Variants in WDR72 observed in about 807,000 individuals in gnomAD.
WDR72 encodes the protein WD repeat domain 72.
WDR72 carries 120 observed loss-of-function variants against 124.2 expected under a neutral mutation model. That is an observed-to-expected ratio of 0.97 (90% CI 0.83 to 1.12). WDR72 has a LOEUF of 1.12. WDR72 is among the 50% of genes most tolerant of loss of function. The pLI, the probability that WDR72 is intolerant of heterozygous loss-of-function variation, is 0.00. For missense variants in WDR72, 1,387 were observed against 1,278.8 expected (o/e 1.08, Z -1.29); for synonymous variants, 452 against 441.7 (o/e 1.02, Z -0.29).
At chr15:53,693,114 A>G (rs1473748421) in intron 13 of WDR72, among the ~76,000 whole-genome samples, 1 of 152,190 alleles carries the variant, frequency 6.6e-6, no homozygotes, top group East Asian at 1.9e-4. Flanking sequence ...CATAACTTTG[A>G]CCTGATATCT....
chr15:53,612,537 C>T (rs2013585927), intron 16 of WDR72, among the ~76,000 whole-genome samples: 2 of 151,854 alleles, frequency 1.3e-5, no homozygotes, highest in African/African-American at 4.8e-5. Context: ...ATGCAAAGGT[C>T]CTCAGACCTG....
chr15:53,596,766 C>T (rs2012794149), intron 18 of WDR72, among the ~76,000 whole-genome samples: 1 of 152,084 alleles, frequency 6.6e-6, no homozygotes, highest in Non-Finnish European at 1.5e-5. Context: ...CAGAATAGGT[C>T]AGAAACAGGG....
intron 13 of WDR72, among the ~76,000 whole-genome samples, chr15:53,687,411 C>T (rs1212955804): frequency 6.6e-6 from 1 of 150,524 alleles, no homozygotes; most frequent in African/African-American, 2.5e-5. Flanking sequence ...ATACAAACTA[C>T]CATCAGAGAA....
At chr15:53,758,940 C>T (rs2018991032) in intron 1 of WDR72, among the ~76,000 whole-genome samples, 1 of 152,138 alleles carries the variant, frequency 6.6e-6, no homozygotes, top group Non-Finnish European at 1.5e-5. Context: ...CAGTGCATCA[C>T]CTTTTCCAGA....
chr15:53,535,728 C>T (rs1892727733), intron 18 of WDR72, among the ~76,000 whole-genome samples: 1 of 152,096 alleles, frequency 6.6e-6, no homozygotes, highest in Non-Finnish European at 1.5e-5. Context: ...AAATCTGAAA[C>T]ACAGATCAAA....
chr15:53,736,845 C>T (rs1391393335), intron 1 of WDR72, among the ~76,000 whole-genome samples: 3 of 151,814 alleles, frequency 2.0e-5, no homozygotes, highest in Non-Finnish European at 1.5e-5. Context: ...AGACTGATGG[C>T]AAATAATTAG....
rs752692961 is a variant in WDR72, at chr15:53,516,674, G to A, written c.*1025C>T. ...TCCCTATTAGATACATAGATAGATA[G>A]ATATAGCTATATATCACATATTTAA... On this transcript the variant is annotated 3_prime_UTR_variant, in exon 20 of 20. Transcript: ENST00000360509. 6 of 151,922 alleles carry A rather than the reference G, an allele frequency of 3.9e-5. No homozygotes were observed. Among genetic ancestry groups the A allele is most frequent in the Non-Finnish European group, 7.4e-5 (5 of 67,944 alleles). The allele number at this position is 151,922 out of a possible 1,614,324, so 9.4% of individuals were successfully genotyped here. A position where few individuals can be genotyped will look rare whatever the true frequency, so the allele number is the denominator to read the frequency against.
chr15:53,744,348 G>A (rs1383322609), intron 1 of WDR72, among the ~76,000 whole-genome samples: 1 of 152,114 alleles, frequency 6.6e-6, no homozygotes, highest in East Asian at 1.9e-4. Context: ...AAGCCGTAGA[G>A]GGCTCAAACC....
chr15:53,563,740 G>C (rs527282841), intron 18 of WDR72, among the ~76,000 whole-genome samples: 1 of 151,788 alleles, frequency 6.6e-6, no homozygotes, highest in South Asian at 2.1e-4. Context: ...AAGAGCACAG[G>C]CTTGCCTATC....
chr15:53,597,308 G>A, intron 17 of WDR72, 34 bp from the exon 18 acceptor site: 1 of 1,604,660 alleles, frequency 6.2e-7, no homozygotes, highest in Non-Finnish European at 8.5e-7. Flanking sequence ...ATTATTTTTA[G>A]TATTATTACA....
intron 14 of WDR72, among the ~76,000 whole-genome samples, chr15:53,640,865 T>C (rs2014819647): frequency 6.6e-6 from 1 of 152,024 alleles, no homozygotes; most frequent in Non-Finnish European, 1.5e-5. Context: ...CTTTTCAATT[T>C]GTGAGTCCCT....
At chr15:53,703,745 C>G (rs74018743) in intron 11 of WDR72, among the ~76,000 whole-genome samples, 4 of 151,972 alleles carry the variant, frequency 2.6e-5, no homozygotes, top group African/African-American at 9.7e-5. Flanking sequence ...CTCCCCCAAA[C>G]TGGAAAGAAC....
intron 1 of WDR72, among the ~76,000 whole-genome samples, chr15:53,737,965 C>T (rs1036897170): frequency 6.6e-6 from 1 of 152,030 alleles, no homozygotes; most frequent in East Asian, 1.9e-4. Flanking sequence ...ATTATCTGAC[C>T]ACAATCAATA....
chr15:53,711,490 T>C lies in WDR72; in HGVS notation c.712-9A>G. 1.2e-6 allele frequency: 2 copies of C among 1,613,932 alleles called. No homozygotes were observed. The highest frequency in any genetic ancestry group is 1.3e-5 in the African/African-American group (1 of 75,012). On this transcript the variant is annotated splice_polypyrimidine_tract_variant and intron_variant, in intron 7 of 19. Coordinates refer to ENST00000360509, the MANE Select transcript of WDR72 (RefSeq NM_182758.4). ...TCACAATAATCATAAACCTAAAATA[T>C]GAAGTTGATGCACATTATCAAAGGC...
intron 18 of WDR72, among the ~76,000 whole-genome samples, chr15:53,580,205 A>C (rs1212832331): frequency 1.3e-5 from 2 of 152,146 alleles, no homozygotes; most frequent in Non-Finnish European, 2.9e-5. Flanking sequence ...ACCTTGAAGT[A>C]AGACATAAAA....
At chr15:53,651,776 C>T (rs2015250024) in intron 14 of WDR72, among the ~76,000 whole-genome samples, 1 of 152,058 alleles carries the variant, frequency 6.6e-6, no homozygotes. Context: ...TCTCAGCCTC[C>T]CGAGTAGCTG....
intron 14 of WDR72, among the ~76,000 whole-genome samples, chr15:53,617,646 TAAC>T (rs2140370947): frequency 6.6e-6 from 1 of 151,778 alleles, no homozygotes; most frequent in African/African-American, 2.4e-5. Flanking sequence ...GCAAAGATAA[TAAC>T]AATTCACAAA....
intron 18 of WDR72, among the ~76,000 whole-genome samples, chr15:53,569,143 T>C (rs997053665): frequency 2.2e-4 from 33 of 151,296 alleles, no homozygotes; most frequent in African/African-American, 8.0e-4. Context: ...ATTCTCTTTC[T>C]CTGAAGACCA....
chr15:53,746,006 A>G (rs1412042549), intron 1 of WDR72, among the ~76,000 whole-genome samples: 2 of 152,190 alleles, frequency 1.3e-5, no homozygotes, highest in Non-Finnish European at 2.9e-5. Context: ...TTGTTCTAAA[A>G]AAAGAAAAAA....
Sources: gnomAD v4.1 joint callset for allele counts (sites outside exome capture counted in the v4.1 genomes callset) on GRCh38, gnomAD v4.1.1 for gene constraint, MANE v1.5 for transcripts, NCBI Gene and HGNC (gene_info 2026-07-23, HGNC 2026-07-21) for gene names.